IL16: variants seen among roughly 807,000 people sequenced by gnomAD.
The protein encoded by IL16 is interleukin 16, also known as pro-interleukin-16.
In IL16, 67 loss-of-function variants were observed where a neutral mutation model predicts 110.1. The ratio of observed to expected loss-of-function variants is 0.61; its 90% CI spans 0.50 to 0.75. The LOEUF (loss-of-function observed/expected upper bound fraction) is 0.75, where lower values mean the gene tolerates loss of function less well. Ranked by LOEUF, IL16 falls within the 30% of genes least tolerant of loss-of-function variation. The pLI is 0.00. For missense variants in IL16, 1,545 were observed against 1,655.0 expected, an observed-to-expected ratio of 0.93 and a Z score of 1.15; for synonymous variants, 689 against 662.9, an observed-to-expected ratio of 1.04 and a Z score of -0.61.
chr15:81,196,527 G>T (rs952161179), upstream of IL16, among the ~76,000 whole-genome samples: 2 of 152,214 alleles, frequency 1.3e-5, no homozygotes, highest in Admixed American at 6.5e-5. Context: ...TTATAGGCAC[G>T]TGCCACAGCT....
chr15:81,236,128 A>G (rs1053560868), intron 2 of IL16, among the ~76,000 whole-genome samples: 1 of 152,212 alleles, frequency 6.6e-6, no homozygotes, highest in African/African-American at 2.4e-5. Flanking sequence ...ATGACTCAGG[A>G]TTTGATGAGG....
chr15:81,205,917 A>G (rs1396627414), intron 1 of IL16, among the ~76,000 whole-genome samples: 1 of 151,250 alleles, frequency 6.6e-6, no homozygotes, highest in African/African-American at 2.4e-5. Context: ...ATAGATCAAG[A>G]ATTACTTTTT....
At chr15:81,300,572 C>T (rs556533029) in intron 14 of IL16, 97 bp downstream of exon 14, 453 of 737,060 alleles carry the variant, frequency 6.1e-4, no homozygotes, top group Non-Finnish European at 8.9e-4. Context: ...TTAAAAAATT[C>T]CCAGATATAT....
At chr15:81,276,705 G>A (rs568597954) in intron 6 of IL16, among the ~76,000 whole-genome samples, 10 of 152,318 alleles carry the variant, frequency 6.6e-5, no homozygotes, top group African/African-American at 2.4e-4. Flanking sequence ...GCCAAGGTAA[G>A]AAATTAATAT....
intron 5 of IL16, 54 bp downstream of exon 5, chr15:81,269,702 A>G: frequency 1.6e-6 from 2 of 1,271,564 alleles, no homozygotes; most frequent in Non-Finnish European, 2.3e-6. Context: ...CCAGTCTCCA[A>G]GGAGCTGCTG....
intron 1 of IL16, among the ~76,000 whole-genome samples, chr15:81,190,852 C>T (rs1257631308): frequency 6.6e-6 from 1 of 152,156 alleles, no homozygotes; most frequent in African/African-American, 2.4e-5. Context: ...GAGAAGGGTA[C>T]AGTGCTTCAG....
chr15:81,273,076 C>CT lies in IL16; in HGVS notation c.676-7dup. 6.2e-7 allele frequency: 1 copy of CT among 1,604,730 alleles called. No homozygotes were observed. The highest frequency in any genetic ancestry group is 1.1e-5 in the South Asian group (1 of 90,834). On this transcript the variant is annotated splice_polypyrimidine_tract_variant and intron_variant, in intron 5 of 18. Coordinates refer to ENST00000683961, the MANE Select transcript of IL16 (RefSeq NM_172217.5). ...ATACTACCCCTAAATCAGACCTTCTCTTTTTTTCCCCAGGGTCTGGGCTTC... is the reference window on the plus strand; with the variant it reads ...ATACTACCCCTAAATCAGACCTTCTCTTTTTTTTCCCCAGGGTCTGGGCTTC...
chr15:81,263,593 G>A lies in IL16; in HGVS notation c.422-2066G>A, dbSNP rs1006521631. On this transcript the variant is annotated intron_variant, in intron 3 of 18. Coordinates refer to ENST00000683961, the MANE Select transcript of IL16 (RefSeq NM_172217.5). ...CCACTCTGTCCTGACTCTGGTCTGCGTCCCCACAGATCTGAATGTCTAGTG... is the reference window on the plus strand; with the variant it reads ...CCACTCTGTCCTGACTCTGGTCTGCATCCCCACAGATCTGAATGTCTAGTG... 1.8e-4 allele frequency among the ~76,000 whole-genome samples: 28 copies of A among 152,174 alleles called. 1 individual carries two copies. Among genetic ancestry groups the A allele is most frequent in the Admixed American group, 1.8e-3 (27 of 15,278 alleles).
rs776312860 is a variant in IL16, at chr15:81,300,063, G to A, written c.2737G>A (p.Glu913Lys). Residue 913 changes from glutamate (E) to lysine (K), a missense_variant, in exon 14 of 19, where the codon GAG (glutamate) becomes AAG (lysine). By Grantham distance (56) the Glu-to-Lys change is moderately conservative (BLOSUM62 1). Around this residue, in one of 3 missense-constraint regions of IL16, gnomAD observed 1,185 missense variants for 1,238.8 expected, o/e 0.96. Transcript: ENST00000683961. The stretch of plus-strand genomic sequence containing the variant: ...GTCCTCGGGGTCCCCTGCAGCCTCC[G>A]AGGCCAGAGACCCAGGTGTGTCTGA... ...VLSSGSPAAS[E>K]ARDPGVSESP... 7.7e-6 allele frequency: 12 copies of A among 1,566,218 alleles called. 1 individual carries two copies. The African/African-American group carries it at 8.2e-5, about 11-fold the overall frequency.
chr15:81,263,049 C>T (rs562954497), intron 3 of IL16, among the ~76,000 whole-genome samples: 38 of 152,144 alleles, frequency 2.5e-4, no homozygotes, highest in African/African-American at 9.2e-4. Context: ...TGTTCTTGGC[C>T]TCTTGCTATA....
chr15:81,238,606 A>C (rs1229912085), intron 2 of IL16, among the ~76,000 whole-genome samples: 1 of 147,894 alleles, frequency 6.8e-6, no homozygotes, highest in Non-Finnish European at 1.5e-5. Context: ...TCTATTGAAC[A>C]CCTCATTAGG....
chr15:81,236,440 G>T (rs1897178301), intron 2 of IL16, among the ~76,000 whole-genome samples: 1 of 152,208 alleles, frequency 6.6e-6, no homozygotes, highest in Non-Finnish European at 1.5e-5. Context: ...GGGAGGCAAG[G>T]GTGGTCCATG....
At position 81,210,635 on chromosome 15, in the gene IL16, A is replaced by G. The variant is rs115170109; in HGVS notation, c.-102+13483A>G. Among the ~76,000 whole-genome samples, 519 of 152,196 alleles carry G rather than the reference A, an allele frequency of 3.4e-3. 5 individuals carry two copies. Among genetic ancestry groups the G allele is most frequent in the African/African-American group, 0.011 (476 of 41,526 alleles). On this transcript the variant is annotated intron_variant, in intron 1 of 18. Coordinates refer to ENST00000683961, the MANE Select transcript of IL16 (RefSeq NM_172217.5). ...CAAGTGGGATTGTGTTCTTGATTTG[A>G]CACTCAGCCTGGACATTATTGGTGT...
intron 10 of IL16, among the ~76,000 whole-genome samples, chr15:81,286,638 TTTGA>T (rs773776489): frequency 6.6e-6 from 1 of 152,196 alleles, no homozygotes; most frequent in Non-Finnish European, 1.5e-5. Context: ...TTTTTAAACC[TTTGA>T]TTGCACTGTA....
At chr15:81,299,188 G>T in intron 13 of IL16, 192 bp from the exon 14 acceptor site, 3 of 840,498 alleles carry the variant, frequency 3.6e-6, no homozygotes, top group Non-Finnish European at 6.1e-6. Flanking sequence ...TCCTACTTCT[G>T]GTCCTTCACT....
intron 2 of IL16, among the ~76,000 whole-genome samples, chr15:81,248,883 G>A (rs1897667806): frequency 6.6e-6 from 1 of 151,530 alleles, no homozygotes; most frequent in East Asian, 1.9e-4. Context: ...ACCACACCTT[G>A]CTAATTTTTG....
chr15:81,202,838 C>T (rs559707481), intron 1 of IL16, among the ~76,000 whole-genome samples: 1 of 152,036 alleles, frequency 6.6e-6, no homozygotes, highest in African/African-American at 2.4e-5. Flanking sequence ...GGGTATATAC[C>T]CAGTAATGGG....
chr15:81,231,639 CT>C (rs1246779929), intron 2 of IL16, among the ~76,000 whole-genome samples: 1 of 152,196 alleles, frequency 6.6e-6, no homozygotes, highest in African/African-American at 2.4e-5. Flanking sequence ...TCCCACAGTG[CT>C]GGGATTACAA....
intron 2 of IL16, among the ~76,000 whole-genome samples, chr15:81,231,766 A>T (rs1406797528): frequency 2.0e-5 from 3 of 152,150 alleles, no homozygotes; most frequent in Non-Finnish European, 4.4e-5. Flanking sequence ...CATTAAATAA[A>T]TTTTTGTATA....
Sources: allele counts gnomAD v4.1 joint callset (sites outside exome capture counted in the v4.1 genomes callset), GRCh38; gene constraint gnomAD v4.1.1; regional missense constraint gnomAD v4.1.1; transcripts MANE v1.5; gene names NCBI Gene and HGNC (gene_info 2026-07-23, HGNC 2026-07-21).